Variants in HEATR3 observed in about 807,000 individuals in gnomAD.
The protein encoded by HEATR3 is HEAT repeat containing 3, also known as HEAT repeat-containing protein 3.
In HEATR3, 56 loss-of-function variants were observed where a neutral mutation model predicts 72.8. The observed-to-expected ratio is 0.77, with a 90% CI of 0.62 to 0.96. The LOEUF (loss-of-function observed/expected upper bound fraction) is 0.96, where lower values mean the gene tolerates loss of function less well. HEATR3 is among the 40% of genes least tolerant of loss of function. The pLI, the probability that HEATR3 is intolerant of heterozygous loss-of-function variation, is 0.00. For synonymous variants in HEATR3, 331 were observed against 318.1 expected, an observed-to-expected ratio of 1.04 and a Z score of -0.43; for missense variants, 747 against 831.4, an observed-to-expected ratio of 0.90 and a Z score of 1.25.
chr16:50,066,085 C>G lies in HEATR3; in HGVS notation c.-47C>G. On this transcript the variant is annotated 5_prime_UTR_variant, in exon 1 of 15. Transcript: ENST00000299192. ...ACGGCGCGGCAGCCTCCACCGCCTG[C>G]TGTTGCCCTCCTCTCTCGGTGGTCT... The G allele has an allele frequency of 6.5e-7, 1 of 1,548,938 alleles. No individual in the cohort carries two copies. Among genetic ancestry groups the G allele is most frequent in the Non-Finnish European group, 8.7e-7 (1 of 1,150,702 alleles).
chr16:50,084,075 A>T (rs773078823), intron 8 of HEATR3, 48 bp downstream of exon 8: 9 of 1,613,854 alleles, frequency 5.6e-6, no homozygotes, highest in Non-Finnish European at 7.6e-6. Flanking sequence ...GCCAAGAGGG[A>T]AACTCCCGTG....
chr16:50,070,298 G>T lies in HEATR3; in HGVS notation c.512+8G>T. On this transcript the variant is annotated splice_region_variant and intron_variant, in intron 4 of 14. Transcript: ENST00000299192. ...CGTGCTGTGGAATATATGGTAAGAT[G>T]CCTACCAAACACAGTCTCCTGCTAT... 1 of 1,398,520 alleles carries T rather than the reference G, an allele frequency of 7.2e-7. No individual in the cohort carries two copies. Among genetic ancestry groups the T allele is most frequent in the Non-Finnish European group, 1.0e-6 (1 of 986,248 alleles). The allele number at this position is 1,398,520 out of a possible 1,614,324, so 86.6% of individuals were successfully genotyped here. A position where few individuals can be genotyped will look rare whatever the true frequency, so the allele number is the denominator to read the frequency against.
At chr16:50,079,704 T>C (rs557270329) in intron 7 of HEATR3, among the ~76,000 whole-genome samples, 1 of 152,300 alleles carries the variant, frequency 6.6e-6, no homozygotes, top group Admixed American at 6.5e-5. Context: ...TGAGTGAGGC[T>C]TTATTCATTC....
intron 7 of HEATR3, among the ~76,000 whole-genome samples, chr16:50,079,527 G>C (rs2036818980): frequency 6.6e-6 from 1 of 152,186 alleles, no homozygotes; most frequent in East Asian, 1.9e-4. Flanking sequence ...TGGAGTCGGT[G>C]ATGGTGGCAT....
At chr16:50,093,035 C>T (rs1348257122) in intron 11 of HEATR3, among the ~76,000 whole-genome samples, 1 of 152,164 alleles carries the variant, frequency 6.6e-6, no homozygotes, top group Non-Finnish European at 1.5e-5. Flanking sequence ...AAAGGCAGCT[C>T]TCTATCCTAG....
chr16:50,074,981 CAAAAA>C (rs71138029), intron 5 of HEATR3: 1 of 146,852 alleles, frequency 6.8e-6, no homozygotes, highest in African/African-American at 2.5e-5. Context: ...GACTCCATCT[CAAAAA>C]AAAAATAAAA....
Position 50,070,351 on chromosome 16 carries a change from T to A in HEATR3, c.512+61T>A, listed in dbSNP as rs1045726573. 24 of 808,912 alleles carry A rather than the reference T, an allele frequency of 3.0e-5. No individual in the cohort carries two copies. The Admixed American group carries it at 4.9e-4, about 17-fold the overall frequency. 50.1% of individuals were successfully genotyped at this position (808,912 alleles called of 1,614,324 possible). ...CAGTACCCAGGCTGCTATTCTCTGTTATACTGTGTAGGAATCTCTGTTCCC... is the reference window on the plus strand; with the variant it reads ...CAGTACCCAGGCTGCTATTCTCTGTAATACTGTGTAGGAATCTCTGTTCCC... On this transcript the variant is annotated intron_variant, in intron 4 of 14. Transcript: ENST00000299192.
intron 11 of HEATR3, among the ~76,000 whole-genome samples, chr16:50,093,199 A>T (rs2037158143): frequency 6.6e-6 from 1 of 152,204 alleles, no homozygotes; most frequent in Non-Finnish European, 1.5e-5. Flanking sequence ...TACCCGGGTA[A>T]CCTAAAAGTG....
In HEATR3 at chr16:50,104,541, T is replaced by C. The variant is rs191607791; in HGVS notation, c.1921-398T>C. Among the ~76,000 whole-genome samples, 389 of 152,246 alleles carry C rather than the reference T, an allele frequency of 2.6e-3. 3 individuals carry two copies. The highest frequency in any genetic ancestry group is 2.4e-3 in the Non-Finnish European group (162 of 68,020). Reference sequence around the variant, plus strand: ...ATGCACCCAGCCTAACAAAGGAATTTCATTAAGGCTTTATACCTTTGAGAG... The same window carrying C: ...ATGCACCCAGCCTAACAAAGGAATTCCATTAAGGCTTTATACCTTTGAGAG... On this transcript the variant is annotated intron_variant, in intron 14 of 14. Transcript: ENST00000299192.
chr16:50,078,877 G>A lies in HEATR3; in HGVS notation c.900G>A (p.Thr300=), dbSNP rs371973424. Residue 300 remains threonine (T), a synonymous_variant, in exon 7 of 15, where the codon ACG becomes ACA. Coordinates refer to ENST00000299192, the MANE Select transcript of HEATR3 (RefSeq NM_182922.4). ...EMVIQMKEAE[T]QRLKTAAEAE... is the part of the protein sequence containing the mutation. Reference sequence around the variant, plus strand: ...TTATTCAAATGAAAGAGGCTGAAACGCAAAGGTTAAAAACTGCTGCAGAGG... The same window carrying A: ...TTATTCAAATGAAAGAGGCTGAAACACAAAGGTTAAAAACTGCTGCAGAGG... The A allele has an allele frequency of 8.1e-6, 13 of 1,613,974 alleles. No homozygotes were observed. The highest frequency in any genetic ancestry group is 3.3e-5 in the South Asian group (3 of 91,084).
At chr16:50,095,481 A>G (rs150463797) in intron 12 of HEATR3, among the ~76,000 whole-genome samples, 8 of 148,302 alleles carry the variant, frequency 5.4e-5, no homozygotes, top group African/African-American at 2.0e-4. Context: ...ACAGCAATCC[A>G]TGTGCACTTC....
Position 50,094,678 on chromosome 16 carries a change from A to G in HEATR3, c.1511-27A>G, listed in dbSNP as rs756316455. The stretch of plus-strand genomic sequence containing the variant: ...AATAGCCTATCTTGGAGAAATGCAA[A>G]TTTTATATTTCATTTTTGTGTTTTA... On this transcript the variant is annotated intron_variant, in intron 11 of 14. Coordinates refer to ENST00000299192, the MANE Select transcript of HEATR3 (RefSeq NM_182922.4). 6.4e-6 allele frequency: 9 copies of G among 1,403,700 alleles called. No homozygotes were observed. In the Admixed American group the frequency reaches 2.1e-4, roughly 33 times the overall value. 87.0% of individuals were successfully genotyped at this position (1,403,700 alleles called of 1,614,324 possible).
chr16:50,068,817 G>T lies in HEATR3; in HGVS notation c.349G>T (p.Asp117Tyr). Residue 117 changes from aspartate to tyrosine, a missense_variant, in exon 3 of 15, where the codon GAC becomes TAC. Physicochemically the swap from Asp to Tyr is radical, Grantham distance 160 (BLOSUM62 -3). This residue lies in a region of HEATR3 where 586 missense variants were observed against 708.8 expected (regional missense o/e 0.83). Coordinates refer to ENST00000299192, the MANE Select transcript of HEATR3 (RefSeq NM_182922.4). ...SACGGFEVCD[D>Y]MVTKDIMTPL... ...TTGTGGAGGTTTTGAAGTTTGTGAT[G>T]ACATGGTGACTAAGGATATCATGAC... 6.2e-7 allele frequency: 1 copy of T among 1,614,014 alleles called. No individual in the cohort carries two copies. Among genetic ancestry groups the T allele is most frequent in the Non-Finnish European group, 8.5e-7 (1 of 1,179,954 alleles).
intron 3 of HEATR3, 38 bp downstream of exon 3, chr16:50,068,905 G>A (rs534047379): frequency 6.7e-7 from 1 of 1,487,942 alleles, no homozygotes. Flanking sequence ...GTAGCTTTTG[G>A]GATGCAAACT....
chr16:50,066,082 C>G lies in HEATR3; in HGVS notation c.-50C>G, dbSNP rs2036479988. On this transcript the variant is annotated 5_prime_UTR_variant, in exon 1 of 15. Transcript: ENST00000299192. ...TTAACGGCGCGGCAGCCTCCACCGC[C>G]TGCTGTTGCCCTCCTCTCTCGGTGG... 1 of 1,544,574 alleles carries G rather than the reference C, an allele frequency of 6.5e-7. No homozygotes were observed. Among genetic ancestry groups the G allele is most frequent in the Admixed American group, 2.0e-5 (1 of 50,988 alleles).
In HEATR3 at chr16:50,072,690, A is replaced by G. The variant is rs757409742; in HGVS notation, c.598A>G (p.Asn200Asp). The change falls in exon 5 of 15, where the codon AAT becomes GAT. Residue 200 changes from asparagine (N) to aspartate (D), a missense_variant. Coordinates refer to ENST00000299192, the MANE Select transcript of HEATR3 (RefSeq NM_182922.4). ...VLKYLSRFPT[N>D]VDLAISVAYC... ...AAAGTATTTAAGTAGGTTTCCTACCAATGTTGACCTGGCTATTTCAGTAGG... is the reference window on the plus strand; with the variant it reads ...AAAGTATTTAAGTAGGTTTCCTACCGATGTTGACCTGGCTATTTCAGTAGG... The G allele has an allele frequency of 8.1e-6, 13 of 1,595,734 alleles. No individual in the cohort carries two copies. Among genetic ancestry groups the G allele is most frequent in the Non-Finnish European group, 1.0e-5 (12 of 1,163,214 alleles).
Position 50,084,152 on chromosome 16 carries a change from G to C in HEATR3, c.1151G>C (p.Trp384Ser), listed in dbSNP as rs200665394. ...CCNEDPSDDE[W>S]EELSSSDESD... ...TTCCCAGATCCCTCTGATGACGAAT[G>C]GGAAGAGCTTTCTAGCAGTGATGAA... Residue 384 changes from tryptophan to serine, a missense_variant, in exon 9 of 15, where the codon TGG (tryptophan) becomes TCG (serine). Physicochemically the swap from Trp to Ser is radical, Grantham distance 177. This residue lies in a region of HEATR3 where 586 missense variants were observed against 708.8 expected (regional missense o/e 0.83). Transcript: ENST00000299192. The C allele has an allele frequency of 3.2e-4, 517 of 1,614,060 alleles. No homozygotes were observed. The highest frequency in any genetic ancestry group is 4.0e-4 in the Non-Finnish European group (477 of 1,180,042).
Position 50,098,874 on chromosome 16 carries a change from C to T in HEATR3, c.1600-1356C>T, listed in dbSNP as rs181328873. Among the ~76,000 whole-genome samples, 537 of 152,104 alleles carry T rather than the reference C, an allele frequency of 3.5e-3. 2 individuals are homozygous for T. The highest frequency in any genetic ancestry group is 0.012 in the African/African-American group (501 of 41,524). On this transcript the variant is annotated intron_variant, in intron 12 of 14. Transcript: ENST00000299192. ...CATTAAAACTATTATTTGCTTTATC[C>T]TACGGAATGTACTTAATAGTATCAA...
chr16:50,084,305 A>G lies in HEATR3; in HGVS notation c.1290+14A>G. On this transcript the variant is annotated intron_variant, in intron 9 of 14. Transcript: ENST00000299192. ...ATCCCAAAGAAGGTAATCCATTTTC[A>G]TTCTAGGCTTACCGTGGAGCATGGG... 6.2e-7 allele frequency: 1 copy of G among 1,610,832 alleles called. No individual in the cohort carries two copies. The highest frequency in any genetic ancestry group is 8.5e-7 in the Non-Finnish European group (1 of 1,178,836).
Sources: gnomAD v4.1 joint callset for allele counts (sites outside exome capture counted in the v4.1 genomes callset) on GRCh38, gnomAD v4.1.1 for gene constraint, gnomAD v4.1.1 regional missense constraint, MANE v1.5 for transcripts, NCBI Gene and HGNC (gene_info 2026-07-23, HGNC 2026-07-21) for gene names.